CFAP54: variants seen among roughly 807,000 people sequenced by gnomAD.
The protein encoded by CFAP54 is cilia and flagella associated protein 54.
Under a neutral mutation model 370.4 loss-of-function variants are expected in CFAP54, and 290 were observed. The ratio of observed to expected loss-of-function variants is 0.78; its 90% CI spans 0.71 to 0.86. The LOEUF (loss-of-function observed/expected upper bound fraction) is 0.86, where lower values mean the gene tolerates loss of function less well. CFAP54 is among the 40% of genes least tolerant of loss of function. The pLI, the probability that CFAP54 is intolerant of heterozygous loss-of-function variation, is 0.00. For synonymous variants in CFAP54, 1,206 were observed against 1,236.5 expected, an observed-to-expected ratio of 0.98 and a Z score of 0.52; for missense variants, 3,399 against 3,528.7, an observed-to-expected ratio of 0.96 and a Z score of 0.93.
At chr12:96,709,961 C>T (rs1403831296) in intron 48 of CFAP54, among the ~76,000 whole-genome samples, 2 of 152,112 alleles carry the variant, frequency 1.3e-5, no homozygotes, top group Non-Finnish European at 2.9e-5. Context: ...AAGTGATCTG[C>T]CTGCCTCTGC....
chr12:96,620,113 A>T (rs376852550), intron 26 of CFAP54, among the ~76,000 whole-genome samples: 1 of 152,240 alleles, frequency 6.6e-6, no homozygotes, highest in Non-Finnish European at 1.5e-5. Context: ...GGTCCCAAAG[A>T]TACGTGTTCC....
chr12:96,542,662 G>A (rs1955589744), intron 14 of CFAP54, among the ~76,000 whole-genome samples: 1 of 152,126 alleles, frequency 6.6e-6, no homozygotes. Context: ...CCATGTGTAT[G>A]TGTGTATCTA....
intron 22 of CFAP54, among the ~76,000 whole-genome samples, chr12:96,587,342 A>T: frequency 6.6e-6 from 1 of 152,176 alleles, no homozygotes. Flanking sequence ...GCATACCAAT[A>T]TAAAGAGGTT....
chr12:96,499,226 T>G (rs892545576), intron 1 of CFAP54, among the ~76,000 whole-genome samples: 1 of 152,042 alleles, frequency 6.6e-6, no homozygotes, highest in Admixed American at 6.6e-5. Context: ...GATCCACCTT[T>G]CTTGGCCTCC....
chr12:96,495,223 ATTTTC>A (rs1390627096), intron 1 of CFAP54, among the ~76,000 whole-genome samples: 1 of 150,924 alleles, frequency 6.6e-6, no homozygotes, highest in African/African-American at 2.4e-5. Flanking sequence ...TATAGTTATG[ATTTTC>A]TTTTCTTTTC....
At chr12:96,636,599 G>T (rs1389005309) in intron 32 of CFAP54, among the ~76,000 whole-genome samples, 3 of 152,028 alleles carry the variant, frequency 2.0e-5, no homozygotes, top group Non-Finnish European at 4.4e-5. Context: ...CCTTTCTATT[G>T]TCTTGATTTT....
intron 39 of CFAP54, among the ~76,000 whole-genome samples, chr12:96,671,969 A>G: frequency 6.7e-6 from 1 of 150,166 alleles, no homozygotes; most frequent in Non-Finnish European, 1.5e-5. Context: ...AAAGAAAGAA[A>G]GAGAGAGAGA....
At chr12:96,652,558 A>C (rs1165106668) in intron 36 of CFAP54, among the ~76,000 whole-genome samples, 1 of 152,232 alleles carries the variant, frequency 6.6e-6, no homozygotes, top group Admixed American at 6.5e-5. Context: ...AGTTAACTCA[A>C]AAGAAGGCAG....
intron 14 of CFAP54, 90 bp from the exon 15 acceptor site, chr12:96,547,812 T>C: frequency 1.8e-6 from 1 of 551,286 alleles, no homozygotes; most frequent in Non-Finnish European, 3.1e-6. Context: ...TGCCCTGTCC[T>C]CTTCCTCTTC....
intron 43 of CFAP54, among the ~76,000 whole-genome samples, chr12:96,689,902 G>A (rs1406732150): frequency 2.0e-5 from 3 of 152,120 alleles, no homozygotes; most frequent in Non-Finnish European, 2.9e-5. Context: ...ATCTAAATAA[G>A]TGAGTTCTTC....
At chr12:96,742,701 T>C (rs2136642511) in intron 52 of CFAP54, 115 bp downstream of exon 52, 2 of 1,029,466 alleles carry the variant, frequency 1.9e-6, no homozygotes, top group East Asian at 2.7e-5. Context: ...TAGCTTGATC[T>C]GCTTATAGAA....
intron 22 of CFAP54, among the ~76,000 whole-genome samples, chr12:96,587,527 GT>G (rs1956085152): frequency 6.6e-6 from 1 of 152,056 alleles, no homozygotes; most frequent in African/African-American, 2.4e-5. Context: ...CCAGGACCAG[GT>G]TAACCATTTT....
At chr12:96,632,828 ATTAT>A (rs1458985801) in intron 32 of CFAP54, among the ~76,000 whole-genome samples, 1 of 152,020 alleles carries the variant, frequency 6.6e-6, no homozygotes, top group Non-Finnish European at 1.5e-5. Context: ...GTTTTTAAAA[ATTAT>A]TTATTTATTT....
chr12:96,731,470 T>A (rs1957918026), intron 50 of CFAP54, among the ~76,000 whole-genome samples: 2 of 152,198 alleles, frequency 1.3e-5, no homozygotes, highest in Admixed American at 1.3e-4. Context: ...TTATTCAGAC[T>A]TGAGTATTTG....
chr12:96,706,820 G>A (rs550633860), intron 47 of CFAP54, among the ~76,000 whole-genome samples: 5 of 151,954 alleles, frequency 3.3e-5, no homozygotes, highest in Admixed American at 2.6e-4. Context: ...GTGTGCGCAC[G>A]TGTGTGTGTG....
At chr12:96,707,273 T>C (rs2136589001) in intron 47 of CFAP54, among the ~76,000 whole-genome samples, 1 of 151,920 alleles carries the variant, frequency 6.6e-6, no homozygotes, top group South Asian at 2.1e-4. Context: ...ATTTTTTTTT[T>C]CACATTTAAT....
chr12:96,676,477 G>A (rs558401043), intron 39 of CFAP54, among the ~76,000 whole-genome samples: 4 of 152,214 alleles, frequency 2.6e-5, no homozygotes, highest in African/African-American at 9.6e-5. Context: ...CTTAGGAGGT[G>A]GGTCCTTTGG....
chr12:96,609,248 G>A (rs985320370), intron 26 of CFAP54, among the ~76,000 whole-genome samples: 1 of 152,128 alleles, frequency 6.6e-6, no homozygotes, highest in Non-Finnish European at 1.5e-5. Flanking sequence ...TCACTTTCTG[G>A]TCTTAGGACA....
intron 67 of CFAP54, among the ~76,000 whole-genome samples, chr12:96,864,970 T>G (rs562767487): frequency 1.3e-5 from 2 of 152,310 alleles, no homozygotes; most frequent in East Asian, 3.9e-4. Context: ...TTATTTAATA[T>G]TATCTATGTG....
Sources: gnomAD v4.1 joint callset for allele counts (sites outside exome capture counted in the v4.1 genomes callset) on GRCh38, gnomAD v4.1.1 for gene constraint, MANE v1.5 for transcripts, NCBI Gene and HGNC (gene_info 2026-07-23, HGNC 2026-07-21) for gene names.